ACTR3C: variants seen among roughly 807,000 people sequenced by gnomAD.
The protein encoded by ACTR3C is actin-related protein 3C.
A neutral mutation model predicts 26.3 loss-of-function variants in ACTR3C; 18 were observed. The observed-to-expected ratio is 0.68, with a 90% confidence interval of 0.47 to 1.01. The LOEUF (loss-of-function observed/expected upper bound fraction) is 1.01, where lower values mean the gene tolerates loss of function less well. ACTR3C is among the 50% of genes least tolerant of loss of function. ACTR3C has a pLI of 0.00. For missense variants in ACTR3C, 184 were observed against 250.7 expected, an observed-to-expected ratio of 0.73 and a Z score of 1.80; for synonymous variants, 55 against 94.5, an observed-to-expected ratio of 0.58 and a Z score of 2.42.
the ACTR3C span, among the ~76,000 whole-genome samples, chr7:150,225,755 A>G: frequency 2.0e-5 from 3 of 152,138 alleles, no homozygotes. Context: ...CCTAAATACG[A>G]TTTTAAATTT....
the ACTR3C span, among the ~76,000 whole-genome samples, chr7:149,928,839 T>C: frequency 6.6e-6 from 1 of 151,252 alleles, no homozygotes; most frequent in Admixed American, 6.6e-5. Context: ...CAAGACTCCG[T>C]CTCAAAAAAT....
chr7:150,097,214 G>A, the ACTR3C span, among the ~76,000 whole-genome samples: 1 of 151,950 alleles, frequency 6.6e-6, no homozygotes, highest in Admixed American at 6.6e-5. Context: ...TGTTAGGAGA[G>A]TGTCACATGC....
At chr7:150,183,140 G>A in the ACTR3C span, among the ~76,000 whole-genome samples, 1 of 150,784 alleles carries the variant, frequency 6.6e-6, no homozygotes, top group Admixed American at 6.6e-5. Flanking sequence ...ACAAGAAATG[G>A]AAAGCTCCAT....
At chr7:149,939,073 C>T in the ACTR3C span, among the ~76,000 whole-genome samples, 63,828 of 151,538 alleles carry the variant, frequency 0.42, 15,042 homozygotes, top group Non-Finnish European at 0.53. Context: ...CTCCGCCTCC[C>T]GGGTTCAAGC....
the ACTR3C span, among the ~76,000 whole-genome samples, chr7:150,232,138 T>C: frequency 0.014 from 2,135 of 152,364 alleles, 22 homozygotes; most frequent in Middle Eastern, 0.031. Flanking sequence ...TTTTCCCTTA[T>C]AATTTTTCTT....
chr7:149,994,317 G>T, the ACTR3C span, among the ~76,000 whole-genome samples: 5 of 152,340 alleles, frequency 3.3e-5, no homozygotes, highest in African/African-American at 1.2e-4. Context: ...GAGGGGCTTG[G>T]CCGGGCACGG....
the ACTR3C span, among the ~76,000 whole-genome samples, chr7:150,003,677 G>A: frequency 1.3e-5 from 2 of 151,318 alleles, no homozygotes; most frequent in East Asian, 3.8e-4. Context: ...ATATAGTGCA[G>A]TGTGTGTGGT....
chr7:149,970,803 G>A, the ACTR3C span, among the ~76,000 whole-genome samples: 1 of 152,126 alleles, frequency 6.6e-6, no homozygotes, highest in Non-Finnish European at 1.5e-5. Context: ...TCACCTTCAA[G>A]TCCAAAGATC....
At chr7:150,241,814 G>A (rs1331644851), downstream of ACTR3C, among the ~76,000 whole-genome samples, 1 of 152,164 alleles carries the variant, frequency 6.6e-6, no homozygotes, top group Non-Finnish European at 1.5e-5. Flanking sequence ...AATGGTCAGA[G>A]GACTCAGCAG....
At chr7:149,992,940 G>A in the ACTR3C span, among the ~76,000 whole-genome samples, 2,167 of 152,126 alleles carry the variant, frequency 0.014, 59 homozygotes, top group African/African-American at 0.05. Flanking sequence ...GAGAGCCCCC[G>A]GCAAACCACT....
the ACTR3C span, among the ~76,000 whole-genome samples, chr7:149,981,116 A>G: frequency 1.1e-4 from 16 of 152,160 alleles, no homozygotes; most frequent in Non-Finnish European, 2.2e-4. Context: ...ACTCAAAGTC[A>G]ACCAACCAAA....
the ACTR3C span, among the ~76,000 whole-genome samples, chr7:150,134,923 G>A: frequency 6.6e-6 from 1 of 151,746 alleles, no homozygotes; most frequent in Non-Finnish European, 1.5e-5. Flanking sequence ...TAACTTTTTT[G>A]TACAAAACAA....
chr7:149,962,522 G>A, the ACTR3C span, among the ~76,000 whole-genome samples: 1 of 151,928 alleles, frequency 6.6e-6, no homozygotes, highest in African/African-American at 2.4e-5. Context: ...GTCAGGCCAT[G>A]TCCCCGCCAT....
chr7:150,167,875 A>C, the ACTR3C span, among the ~76,000 whole-genome samples: 2 of 150,784 alleles, frequency 1.3e-5, no homozygotes, highest in Non-Finnish European at 2.9e-5. Flanking sequence ...TGTCTTCATC[A>C]TACAAATTCT....
At chr7:150,063,695 A>C in the ACTR3C span, among the ~76,000 whole-genome samples, 1 of 151,796 alleles carries the variant, frequency 6.6e-6, no homozygotes. Flanking sequence ...AATATTATTC[A>C]CAAATAGATT....
chr7:150,267,124 C>T (rs775501435), intron 6 of ACTR3C, among the ~76,000 whole-genome samples: 12 of 152,244 alleles, frequency 7.9e-5, no homozygotes, highest in Non-Finnish European at 1.8e-4. Context: ...GTGGCACAGT[C>T]GCTCGCTGAG....
the ACTR3C span, among the ~76,000 whole-genome samples, chr7:150,236,923 G>GCAT: frequency 1.3e-5 from 2 of 151,120 alleles, no homozygotes; most frequent in African/African-American, 4.9e-5. Flanking sequence ...TCTTTTCAAT[G>GCAT]CATCTCATAA....
chr7:149,936,721 A>G, the ACTR3C span, among the ~76,000 whole-genome samples: 3,906 of 131,634 alleles, frequency 0.03, no homozygotes, highest in African/African-American at 0.11. Flanking sequence ...TTCAAGTCCT[A>G]TTTTTGCTAC....
chr7:149,983,942 G>T, the ACTR3C span, among the ~76,000 whole-genome samples: 4 of 152,072 alleles, frequency 2.6e-5, no homozygotes, highest in Non-Finnish European at 4.4e-5. Flanking sequence ...GTAGAGAGGT[G>T]CTTGCCAGGG....
Sources: allele counts gnomAD v4.1 joint callset (sites outside exome capture counted in the v4.1 genomes callset), GRCh38; gene constraint gnomAD v4.1.1; transcripts MANE v1.5; gene names NCBI Gene and HGNC (gene_info 2026-07-23, HGNC 2026-07-21).